The following ZNF7 variants were observed in gnomAD, a reference collection of about 807,000 sequenced individuals.
The protein encoded by ZNF7 is C2-H2 type zinc finger protein.
In ZNF7, 10 loss-of-function variants were observed where a neutral mutation model predicts 12.0. The ratio of observed to expected loss-of-function variants is 0.83; its 90% confidence interval spans 0.51 to 1.42. The LOEUF (loss-of-function observed/expected upper bound fraction) is 1.42, where lower values mean the gene tolerates loss of function less well. Ranked by LOEUF, ZNF7 falls within the 40% of genes most tolerant of loss-of-function variation. The probability of loss-of-function intolerance (pLI) is 0.00; values close to 1 mark genes in which losing one functional copy is unlikely to be tolerated. For missense variants in ZNF7, 854 were observed against 837.2 expected (o/e 1.02, Z -0.25); for synonymous variants, 334 against 295.0 (o/e 1.13, Z -1.35).
intron 1 of ZNF7, 142 bp from the exon 2 acceptor site, chr8:144,828,901 G>A (rs1828109915): frequency 2.8e-6 from 3 of 1,057,696 alleles, no homozygotes; most frequent in Non-Finnish European, 4.1e-6. Context: ...AAGTGCCATG[G>A]CTGCTTCAGC....
rs1314893604 is a variant in ZNF7, at chr8:144,831,734, G to C, written c.130+2130G>C. The stretch of plus-strand genomic sequence containing the variant: ...GGAGGCGGAGCTTGCAGCGAGCTGA[G>C]ATCGCACCACTGCAATCCGGCCTGG... On this transcript the variant is annotated intron_variant, in intron 3 of 4. Transcript: ENST00000532777. Among the ~76,000 whole-genome samples the C allele has an allele frequency of 1.3e-4, 12 of 92,096 alleles. 3 individuals carry two copies. The highest frequency in any genetic ancestry group is 3.9e-4 in the African/African-American group (12 of 30,986). The allele number at this position is 92,096 out of a possible 152,430, so 60.4% of individuals were successfully genotyped here.
chr8:144,841,579 G>A lies in ZNF7; in HGVS notation c.472G>A (p.Val158Met). Residue 158 changes from valine to methionine, a missense_variant, in exon 5 of 5, where the codon GTG becomes ATG. Transcript: ENST00000532777. ...FQNNCLNEET[V>M]VPKTFTKDAP... is the part of the protein sequence containing the mutation. Reference sequence around the variant, plus strand: ...AAATAACTGTTTGAATGAGGAGACTGTGGTTCCCAAGACCTTCACCAAGGA... The same window carrying A: ...AAATAACTGTTTGAATGAGGAGACTATGGTTCCCAAGACCTTCACCAAGGA... 1 of 1,614,180 alleles carries A rather than the reference G, an allele frequency of 6.2e-7. No homozygotes were observed. The highest frequency in any genetic ancestry group is 8.5e-7 in the Non-Finnish European group (1 of 1,180,046).
chr8:144,841,379 A>T lies in ZNF7; in HGVS notation c.272A>T (p.Glu91Val), dbSNP rs1444694103. 21 of 1,607,586 alleles carry T rather than the reference A, an allele frequency of 1.3e-5. No individual in the cohort carries two copies. Among genetic ancestry groups the T allele is most frequent in the Non-Finnish European group, 1.5e-5 (18 of 1,174,822 alleles). Residue 91 changes from glutamate to valine, a missense_variant, in exon 5 of 5, where the codon GAG (glutamate) becomes GTG (valine). Transcript: ENST00000532777. ...GATTCTACGATTAGGACTGAAAATG[A>T]GCAGGCCTGTGAGGACATGGACATC... ...KTDSTIRTENEQACEDMDILK... is the reference protein window; with the variant it reads ...KTDSTIRTENVQACEDMDILK...
intron 1 of ZNF7, 108 bp from the exon 2 acceptor site, chr8:144,828,935 A>G (rs1828112732): frequency 1.4e-6 from 2 of 1,420,514 alleles, no homozygotes; most frequent in African/African-American, 1.4e-5. Flanking sequence ...CCTGCTAGAG[A>G]AATCTGGGGC....
rs1359233740 is a variant in ZNF7, at chr8:144,843,152, A to C, written c.2045A>C (p.Lys682Thr). The C allele has an allele frequency of 6.3e-7, 1 of 1,590,890 alleles. No homozygotes were observed. The highest frequency in any genetic ancestry group is 8.5e-7 in the Non-Finnish European group (1 of 1,170,858). ...AGCTCAAGGCTTACCCAGCATCAAAAAATTCACATGGGATAGACCACTTAC... is the reference window on the plus strand; with the variant it reads ...AGCTCAAGGCTTACCCAGCATCAAACAATTCACATGGGATAGACCACTTAC... Reference protein sequence around the residue: ...NRSSRLTQHQKIHMG With the variant: ...NRSSRLTQHQTIHMG The change falls in exon 5 of 5, where the codon AAA becomes ACA. Residue 682 changes from lysine to threonine, a missense_variant. Coordinates refer to ENST00000532777, the MANE Select transcript of ZNF7 (RefSeq NM_003416.4).
rs1829890991 is a variant in ZNF7 at position 144,841,378 on chromosome 8, G to A, written c.271G>A (p.Glu91Lys). 6.2e-7 allele frequency: 1 copy of A among 1,607,382 alleles called. No individual in the cohort carries two copies. Among genetic ancestry groups the A allele is most frequent in the Non-Finnish European group, 8.5e-7 (1 of 1,174,598 alleles). The change falls in exon 5 of 5, where the codon GAG becomes AAG. Residue 91 changes from glutamate (E) to lysine (K), a missense_variant. Physicochemically the swap from Glu to Lys is moderately conservative, Grantham distance 56 (BLOSUM62 1). Coordinates refer to ENST00000532777, the MANE Select transcript of ZNF7 (RefSeq NM_003416.4). ...KTDSTIRTEN[E>K]QACEDMDILK... The stretch of plus-strand genomic sequence containing the variant: ...AGATTCTACGATTAGGACTGAAAAT[G>A]AGCAGGCCTGTGAGGACATGGACAT...
chr8:144,843,238 T>C lies in ZNF7; in HGVS notation c.*70T>C, dbSNP rs1408536491. On this transcript the variant is annotated 3_prime_UTR_variant, in exon 5 of 5. Coordinates refer to ENST00000532777, the MANE Select transcript of ZNF7 (RefSeq NM_003416.4). Reference sequence around the variant, plus strand: ...CTTAACTTACTTATTTTATATGGAATCGTTTATACTGACAAACATGTAGAA... The same window carrying C: ...CTTAACTTACTTATTTTATATGGAACCGTTTATACTGACAAACATGTAGAA... 2.9e-5 allele frequency: 43 copies of C among 1,458,706 alleles called. No individual in the cohort carries two copies. The highest frequency in any genetic ancestry group is 3.9e-5 in the Non-Finnish European group (42 of 1,089,166). The allele number at this position is 1,458,706 out of a possible 1,614,324, so 90.4% of individuals were successfully genotyped here.
intron 3 of ZNF7, chr8:144,831,117 GTCC>G (rs1828400723): frequency 4.5e-6 from 2 of 442,434 alleles, no homozygotes; most frequent in Non-Finnish European, 9.1e-6. Flanking sequence ...TGCTGTGCCT[GTCC>G]TCCTCTCTCA....
chr8:144,835,263 G>A (rs1828865229), intron 3 of ZNF7: 4 of 151,334 alleles, frequency 2.6e-5, no homozygotes, highest in Admixed American at 2.6e-4. Context: ...GAGTACAGTG[G>A]TGCGATTATA....
intron 4 of ZNF7, chr8:144,837,884 ATT>A: frequency 5.2e-6 from 3 of 573,906 alleles, no homozygotes; most frequent in Non-Finnish European, 9.4e-6. Flanking sequence ...GGGTAAGCAT[ATT>A]CCCTGAGGCA....
intron 3 of ZNF7, chr8:144,835,155 C>T (rs537897290): frequency 6.6e-6 from 1 of 151,010 alleles, no homozygotes; most frequent in African/African-American, 2.4e-5. Context: ...GGACCTTGAG[C>T]TTTTGGGGAA....
Position 144,842,517 on chromosome 8 carries a change from A to G in ZNF7, c.1410A>G (p.Lys470=). ...CTCACACTGGAGAAAAACCATTTAA[A>G]TGTGATGAGTGTGGCAAAGGCTTTG... ...QRTHTGEKPF[K]CDECGKGFVQ... is the part of the protein sequence containing the mutation. Residue 470 remains lysine, a synonymous_variant, in exon 5 of 5, where the codon AAA becomes AAG. Coordinates refer to ENST00000532777, the MANE Select transcript of ZNF7 (RefSeq NM_003416.4). The G allele has an allele frequency of 6.2e-7, 1 of 1,614,100 alleles. No individual in the cohort carries two copies. The highest frequency in any genetic ancestry group is 1.1e-5 in the South Asian group (1 of 91,082).
rs1262667605 is a variant in ZNF7, at chr8:144,843,049, C to T, written c.1942C>T (p.His648Tyr). 1 of 1,614,054 alleles carries T rather than the reference C, an allele frequency of 6.2e-7. No individual in the cohort carries two copies. The highest frequency in any genetic ancestry group is 1.3e-5 in the African/African-American group (1 of 74,914). ...TGAGAAGATATTTAGGTGGCGTTCA[C>T]ACCTAATTATACACCAGAGAATTCA... is the stretch of plus-strand genomic sequence containing the variant. ...DCEKIFRWRS[H>Y]LIIHQRIHTG... Residue 648 changes from histidine to tyrosine, a missense_variant, in exon 5 of 5, where the codon CAC becomes TAC. Coordinates refer to ENST00000532777, the MANE Select transcript of ZNF7 (RefSeq NM_003416.4).
intron 1 of ZNF7, among the ~76,000 whole-genome samples, chr8:144,828,572 T>C (rs1010235394): frequency 9.9e-5 from 15 of 152,182 alleles, no homozygotes; most frequent in Non-Finnish European, 1.8e-4. Flanking sequence ...CCTGGAGTGC[T>C]CTCTCCACCT....
rs546644947 is a variant in ZNF7 at position 144,841,524 on chromosome 8, C to T, written c.417C>T (p.Pro139=). The change falls in exon 5 of 5, where the codon CCC becomes CCT. Residue 139 remains proline (P), a synonymous_variant. Transcript: ENST00000532777. The stretch of plus-strand genomic sequence containing the variant: ...GGTTAGACAGTCATCTGGGCAGTCC[C>T]GGGCTGAAAGTGACAGGCTTTACCT... The part of the protein sequence containing the change: ...EVWLDSHLGS[P]GLKVTGFTFQ... 5.8e-5 allele frequency: 93 copies of T among 1,614,162 alleles called. No individual in the cohort carries two copies. The Middle Eastern group carries it at 2.5e-3, about 43-fold the overall frequency.
chr8:144,846,142 CAGA>C, downstream of ZNF7: 4 of 1,536,302 alleles, frequency 2.6e-6, no homozygotes, highest in South Asian at 2.4e-5. Context: ...ATGATCAGGA[CAGA>C]AGGAGGGGAA....
intron 4 of ZNF7, among the ~76,000 whole-genome samples, chr8:144,840,800 G>A (rs910097238): frequency 6.6e-6 from 1 of 152,124 alleles, no homozygotes; most frequent in Non-Finnish European, 1.5e-5. Context: ...GGCAGCTGAG[G>A]GGGCTGGGTC....
rs1830206193 is a variant in ZNF7 at position 144,843,231 on chromosome 8, T to G, written c.*63T>G. 6.7e-7 allele frequency: 1 copy of G among 1,483,442 alleles called. No homozygotes were observed. The allele number at this position is 1,483,442 out of a possible 1,614,324, so 91.9% of individuals were successfully genotyped here. On this transcript the variant is annotated 3_prime_UTR_variant, in exon 5 of 5. Transcript: ENST00000532777. ...CTATAGCCTTAACTTACTTATTTTATATGGAATCGTTTATACTGACAAACA... is the reference window on the plus strand; with the variant it reads ...CTATAGCCTTAACTTACTTATTTTAGATGGAATCGTTTATACTGACAAACA...
chr8:144,830,128 G>T (rs1253230406), intron 3 of ZNF7, among the ~76,000 whole-genome samples: 4 of 152,128 alleles, frequency 2.6e-5, no homozygotes, highest in Non-Finnish European at 5.9e-5. Context: ...ACTTGGTGAG[G>T]GGGGGTGCGT....
Sources: allele counts gnomAD v4.1 joint callset (sites outside exome capture counted in the v4.1 genomes callset), GRCh38; gene constraint gnomAD v4.1.1; transcripts MANE v1.5; gene names NCBI Gene and HGNC (gene_info 2026-07-23, HGNC 2026-07-21).